Variants in PIGK observed in about 807,000 individuals in gnomAD.
PIGK encodes the protein GPI-anchor transamidase.
PIGK carries 42 observed loss-of-function variants against 50.6 expected under a neutral mutation model. The ratio of observed to expected loss-of-function variants is 0.83; its 90% confidence interval spans 0.65 to 1.07. PIGK has a LOEUF of 1.07. Among genes scored for constraint, PIGK ranks in the 50% least tolerant of loss-of-function variants. The pLI is 0.00. For missense variants in PIGK, 448 were observed against 488.7 expected (o/e 0.92, Z 0.78); for synonymous variants, 151 against 156.0 (o/e 0.97, Z 0.24).
chr1:77,195,583 G>T (rs986801927), intron 3 of PIGK, among the ~76,000 whole-genome samples: 1 of 152,150 alleles, frequency 6.6e-6, no homozygotes. Context: ...ATTAACAACT[G>T]GTGGAACTTC....
chr1:77,127,579 A>G (rs1015329600), intron 9 of PIGK, among the ~76,000 whole-genome samples: 6 of 152,212 alleles, frequency 3.9e-5, no homozygotes, highest in African/African-American at 1.4e-4. Flanking sequence ...GTAGAAGGCC[A>G]AAGCATCTTT....
At chr1:77,189,694 CAT>C (rs71075728) in intron 3 of PIGK, among the ~76,000 whole-genome samples, 27 of 71,106 alleles carry the variant, frequency 3.8e-4, no homozygotes, top group Non-Finnish European at 6.2e-4. Context: ...ACAATAAACT[CAT>C]ATATATATAT....
At chr1:77,133,429 T>A (rs1654425383) in intron 9 of PIGK, among the ~76,000 whole-genome samples, 1 of 152,208 alleles carries the variant, frequency 6.6e-6, no homozygotes, top group South Asian at 2.1e-4. Flanking sequence ...TTAAACATAG[T>A]TATTTTAAAG....
intron 9 of PIGK, among the ~76,000 whole-genome samples, chr1:77,152,403 G>T (rs1453468050): frequency 6.6e-6 from 1 of 151,876 alleles, no homozygotes; most frequent in Non-Finnish European, 1.5e-5. Flanking sequence ...ACTACTAAAA[G>T]GAAACACTGG....
intron 1 of PIGK, among the ~76,000 whole-genome samples, chr1:77,218,237 T>C (rs1030953427): frequency 2.0e-5 from 3 of 152,160 alleles, no homozygotes; most frequent in Non-Finnish European, 4.4e-5. Context: ...TTAATAAATA[T>C]TTAAAAGATT....
At chr1:77,196,317 C>T (rs11162287) in intron 3 of PIGK, among the ~76,000 whole-genome samples, 35,392 of 151,916 alleles carry the variant, frequency 0.23, 5,088 homozygotes, top group Non-Finnish European at 0.32. Context: ...TATGGTAGAA[C>T]AATTTATATT....
intron 10 of PIGK, among the ~76,000 whole-genome samples, chr1:77,108,070 G>C (rs1219185098): frequency 1.3e-5 from 2 of 152,102 alleles, no homozygotes; most frequent in Non-Finnish European, 2.9e-5. Flanking sequence ...CTTTTAATTG[G>C]AGCATTTAGC....
At chr1:77,192,394 T>C (rs1243027699) in intron 3 of PIGK, among the ~76,000 whole-genome samples, 1 of 152,188 alleles carries the variant, frequency 6.6e-6, no homozygotes, top group Non-Finnish European at 1.5e-5. Flanking sequence ...ATGAATTTGA[T>C]TTAACTATTA....
At chr1:77,102,678 TG>T (rs1273901387) in intron 10 of PIGK, among the ~76,000 whole-genome samples, 1 of 152,208 alleles carries the variant, frequency 6.6e-6, no homozygotes, top group Non-Finnish European at 1.5e-5. Flanking sequence ...ACAATACATC[TG>T]GGTTGTTTTA....
At chr1:77,151,029 C>A (rs1654883754) in intron 9 of PIGK, among the ~76,000 whole-genome samples, 1 of 151,984 alleles carries the variant, frequency 6.6e-6, no homozygotes, top group African/African-American at 2.4e-5. Context: ...CCAGACAAGG[C>A]CACCACACAC....
intron 3 of PIGK, among the ~76,000 whole-genome samples, chr1:77,174,493 G>A (rs1425027043): frequency 6.6e-6 from 1 of 152,198 alleles, no homozygotes; most frequent in African/African-American, 2.4e-5. Flanking sequence ...ACTTTGGGGA[G>A]TATCGGAAAT....
At chr1:77,122,210 A>G in intron 10 of PIGK, 65 bp downstream of exon 10, 1 of 1,070,750 alleles carries the variant, frequency 9.3e-7, no homozygotes, top group African/African-American at 1.6e-5. Context: ...AAACCTAACA[A>G]AAGCAATTAC....
intron 9 of PIGK, among the ~76,000 whole-genome samples, chr1:77,141,251 C>T (rs1185916874): frequency 6.6e-6 from 1 of 152,108 alleles, no homozygotes; most frequent in Admixed American, 6.5e-5. Context: ...AGCCAGCACA[C>T]TTAGTTATCA....
chr1:77,188,658 T>C (rs1237965597), intron 3 of PIGK, among the ~76,000 whole-genome samples: 1 of 152,210 alleles, frequency 6.6e-6, no homozygotes, highest in Non-Finnish European at 1.5e-5. Context: ...CCCTCCCTTT[T>C]TGAAAATCCC....
intron 1 of PIGK, among the ~76,000 whole-genome samples, chr1:77,213,097 G>A (rs1241569305): frequency 6.6e-6 from 1 of 151,948 alleles, no homozygotes; most frequent in Non-Finnish European, 1.5e-5. Flanking sequence ...GCTAATTTTT[G>A]TATTTTTGGT....
Position 77,219,393 on chromosome 1 carries a change from T to G in PIGK, c.10A>C (p.Thr4Pro). MAV[T>P]DSLSRAATVL... ...GTCGCAGCCCGGCTGAGGCTGTCGGTGACGGCCATGTTTACCGGCTTCAGA... is the reference window on the plus strand; with the variant it reads ...GTCGCAGCCCGGCTGAGGCTGTCGGGGACGGCCATGTTTACCGGCTTCAGA... The change falls in exon 1 of 11, where the codon ACC becomes CCC. Residue 4 changes from threonine (T) to proline (P), a missense_variant. By Grantham distance (38) the Thr-to-Pro change is conservative (BLOSUM62 -1). Coordinates refer to ENST00000370812, the MANE Select transcript of PIGK (RefSeq NM_005482.3). The G allele has an allele frequency of 6.2e-7, 1 of 1,613,360 alleles. No individual in the cohort carries two copies. The highest frequency in any genetic ancestry group is 8.5e-7 in the Non-Finnish European group (1 of 1,179,580).
intron 4 of PIGK, among the ~76,000 whole-genome samples, chr1:77,167,784 A>T (rs1655267954): frequency 6.6e-6 from 1 of 152,212 alleles, no homozygotes; most frequent in Non-Finnish European, 1.5e-5. Context: ...CCCTCTGCAT[A>T]GGCAATTCTG....
intron 10 of PIGK, among the ~76,000 whole-genome samples, chr1:77,109,312 A>C (rs6696605): frequency 1.3e-5 from 2 of 152,084 alleles, no homozygotes; most frequent in African/African-American, 4.8e-5. Context: ...ACAACAAAAG[A>C]GAATTTTAGA....
chr1:77,195,422 C>T (rs942076261), intron 3 of PIGK: 1 of 1,024,136 alleles, frequency 9.8e-7, no homozygotes, highest in Admixed American at 2.4e-5. Flanking sequence ...GTGCTCACTT[C>T]CTGTTTCCAC....
Sources: gnomAD v4.1 joint callset for allele counts (sites outside exome capture counted in the v4.1 genomes callset) on GRCh38, gnomAD v4.1.1 for gene constraint, MANE v1.5 for transcripts, NCBI Gene and HGNC (gene_info 2026-07-23, HGNC 2026-07-21) for gene names.